Variants in TMEM44 observed in about 807,000 individuals in gnomAD.
TMEM44 encodes the protein transmembrane protein 44.
Under a neutral mutation model 47.8 loss-of-function variants are expected in TMEM44, and 43 were observed. The observed-to-expected ratio is 0.90, with a 90% CI of 0.70 to 1.16. The LOEUF is 1.16. Ranked by LOEUF, TMEM44 falls within the 50% of genes most tolerant of loss-of-function variation. TMEM44 has a pLI of 0.00. For missense variants in TMEM44, 568 were observed against 555.2 expected, an observed-to-expected ratio of 1.02 and a Z score of -0.23; for synonymous variants, 277 against 238.8, an observed-to-expected ratio of 1.16 and a Z score of -1.48.
chr3:194,624,710 C>A (rs1560196687), intron 3 of TMEM44, among the ~76,000 whole-genome samples: 2 of 149,646 alleles, frequency 1.3e-5, no homozygotes, highest in African/African-American at 2.5e-5. Flanking sequence ...TGAGCCACCA[C>A]ACCACTTGGT....
rs1491164248 is a variant in TMEM44, at chr3:194,612,133, TCA to T, written c.913-1115_913-1114del. ...GGTGGAGCCCCCAAATCTGCATTTCTCACAGTTTCCCAGGTAATCCTGGTCTA... is the reference window on the plus strand; with the variant it reads ...GGTGGAGCCCCCAAATCTGCATTTCTCAGTTTCCCAGGTAATCCTGGTCTA... On this transcript the variant is annotated intron_variant, in intron 7 of 9. Coordinates refer to ENST00000347147, the MANE Select transcript of TMEM44 (RefSeq NM_001011655.3). Among the ~76,000 whole-genome samples the T allele has an allele frequency of 3.9e-5, 6 of 152,152 alleles. No homozygotes were observed. The East Asian group carries it at 9.6e-4, about 24-fold the overall frequency.
Position 194,620,158 on chromosome 3 carries a change from G to A in TMEM44, c.613-2889C>T, listed in dbSNP as rs1188218814. Among the ~76,000 whole-genome samples the A allele has an allele frequency of 2.0e-5, 3 of 152,004 alleles. No homozygotes were observed. The East Asian group carries it at 5.8e-4, about 29-fold the overall frequency. On this transcript the variant is annotated intron_variant, in intron 5 of 9. Transcript: ENST00000347147. ...ATACAAAAATTAGCTGGGCGTGGTG[G>A]TGCATGCCTGTAGTCCCAGCTACTC...
At position 194,633,088 on chromosome 3, in the gene TMEM44, G is replaced by A. The variant is rs775764307; in HGVS notation, c.128C>T (p.Ala43Val). 3.9e-6 allele frequency: 6 copies of A among 1,548,402 alleles called. No individual in the cohort carries two copies. The highest frequency in any genetic ancestry group is 1.2e-5 in the South Asian group (1 of 83,994). ...CCCGTGGCCCCATTACAGCGCGTGG[G>A]CGGCGATCCAGCAGGAGGAGGCGCA... Reference protein sequence around the residue: ...WICASSCWIAAHALLLYLRCA... With the variant: ...WICASSCWIAVHALLLYLRCA... Residue 43 changes from alanine (A) to valine (V), a missense_variant, in exon 1 of 10, where the codon GCC becomes GTC. Transcript: ENST00000347147.
At position 194,626,095 on chromosome 3, in the gene TMEM44, T is replaced by C. The variant is rs574107317; in HGVS notation, c.265-105A>G. The C allele has an allele frequency of 1.9e-3, 1,596 of 824,854 alleles. 29 individuals are homozygous for C. In the South Asian group the frequency reaches 0.022, roughly 11 times the overall value. The allele number at this position is 824,854 out of a possible 1,614,324, so 51.1% of individuals were successfully genotyped here. A position where few individuals can be genotyped will look rare whatever the true frequency, so the allele number is the denominator to read the frequency against. ...TATCACATGGGTTACACTGATGCGG[T>C]GCTTTCTTACGTACTCCTCCAGGGA... is the stretch of plus-strand genomic sequence containing the variant. On this transcript the variant is annotated intron_variant, in intron 2 of 9. Transcript: ENST00000347147.
At chr3:194,624,701 G>A (rs373203223) in intron 3 of TMEM44, among the ~76,000 whole-genome samples, 10 of 151,160 alleles carry the variant, frequency 6.6e-5, no homozygotes, top group South Asian at 2.1e-4. Context: ...TTACAGGCAT[G>A]AGCCACCACA....
chr3:194,618,849 C>T (rs113532908), intron 5 of TMEM44, among the ~76,000 whole-genome samples: 19 of 152,334 alleles, frequency 1.2e-4, no homozygotes, highest in African/African-American at 4.1e-4. Flanking sequence ...CCAGGCCTCC[C>T]TGTGTCTGGC....
chr3:194,619,500 A>G (rs1418222377), intron 5 of TMEM44, among the ~76,000 whole-genome samples: 1 of 152,212 alleles, frequency 6.6e-6, no homozygotes, highest in African/African-American at 2.4e-5. Context: ...TGCAGCTGCC[A>G]GGACTCCTGG....
chr3:194,617,402 CT>C, intron 5 of TMEM44, 133 bp from the exon 6 acceptor site: 1 of 1,081,716 alleles, frequency 9.2e-7, no homozygotes, highest in Non-Finnish European at 1.3e-6. Context: ...TTCTGTTAGA[CT>C]TACAGCTTTT....
At chr3:194,597,238 G>A (rs1713525848) in intron 9 of TMEM44, 1 of 152,156 alleles carries the variant, frequency 6.6e-6, no homozygotes, top group East Asian at 1.9e-4. Flanking sequence ...TTGCAATGCT[G>A]GGAAGCACAG....
intron 9 of TMEM44, among the ~76,000 whole-genome samples, chr3:194,595,931 C>G (rs984742506): frequency 5.9e-5 from 9 of 152,112 alleles, no homozygotes; most frequent in African/African-American, 2.2e-4. Flanking sequence ...GGCTGATGGT[C>G]TGTATTTCTT....
At chr3:194,608,568 G>T (rs1037938987) in intron 8 of TMEM44, among the ~76,000 whole-genome samples, 20 of 152,184 alleles carry the variant, frequency 1.3e-4, no homozygotes, top group African/African-American at 4.8e-4. Flanking sequence ...GTCCTGCTTC[G>T]GACTGGGTGG....
In TMEM44 at chr3:194,588,709, A is replaced by G. The variant is rs891525555; in HGVS notation, c.1177-70T>C. 15 of 1,441,686 alleles carry G rather than the reference A, an allele frequency of 1.0e-5. No individual in the cohort carries two copies. The African/African-American group carries it at 1.8e-4, about 17-fold the overall frequency. The allele number at this position is 1,441,686 out of a possible 1,614,324, so 89.3% of individuals were successfully genotyped here. A position where few individuals can be genotyped will look rare whatever the true frequency, so the allele number is the denominator to read the frequency against. ...TGCTTCTCATCTGTCATAACCCCTG[A>G]CCCAAACAAAAGCTCCAATCTTGGT... On this transcript the variant is annotated intron_variant, in intron 9 of 9. Transcript: ENST00000347147.
rs776223362 is a variant in TMEM44 at position 194,628,382 on chromosome 3, C to A, written c.264+1G>T. The A allele has an allele frequency of 6.2e-7, 1 of 1,610,156 alleles. No homozygotes were observed. Among genetic ancestry groups the A allele is most frequent in the East Asian group, 2.2e-5 (1 of 44,784 alleles). ...CACTGTCAGCTGGAGGCCCAACATA[C>A]CTGGATTGTGAGCTGTCTGGCCAGA... On this transcript the variant is annotated splice_donor_variant, in intron 2 of 9. Transcript: ENST00000347147. LOFTEE classifies it high-confidence loss of function.
chr3:194,627,930 G>A (rs1185585669), intron 2 of TMEM44, among the ~76,000 whole-genome samples: 1 of 152,116 alleles, frequency 6.6e-6, no homozygotes, highest in Admixed American at 6.5e-5. Context: ...AGTGAGCCAA[G>A]ACCAAGTCAT....
At chr3:194,601,030 G>A (rs1015308707) in intron 9 of TMEM44, among the ~76,000 whole-genome samples, 8 of 152,302 alleles carry the variant, frequency 5.3e-5, no homozygotes, top group African/African-American at 1.7e-4. Flanking sequence ...AGGGTTATGC[G>A]GAGGGAGGCT....
intron 5 of TMEM44, chr3:194,617,743 G>A: frequency 1.4e-6 from 1 of 704,018 alleles, no homozygotes; most frequent in Non-Finnish European, 2.6e-6. Flanking sequence ...CAGATCTCAT[G>A]TTGAGTCGTA....
intron 5 of TMEM44, 144 bp downstream of exon 5, chr3:194,623,080 A>G: frequency 1.3e-6 from 1 of 769,478 alleles, no homozygotes; most frequent in South Asian, 2.0e-5. Flanking sequence ...TGTCATACAC[A>G]CTAACGCTCT....
chr3:194,624,904 C>G (rs951962622), intron 3 of TMEM44, among the ~76,000 whole-genome samples: 12 of 151,800 alleles, frequency 7.9e-5, no homozygotes, highest in Admixed American at 7.2e-4. Flanking sequence ...TTAGTAGAGA[C>G]AGGGTTTCAC....
intron 8 of TMEM44, among the ~76,000 whole-genome samples, chr3:194,605,313 C>T (rs756616107): frequency 3.9e-5 from 6 of 152,332 alleles, no homozygotes; most frequent in Non-Finnish European, 8.8e-5. Flanking sequence ...TCCACTGACA[C>T]GTGACAGAGC....
Sources: allele counts gnomAD v4.1 joint callset (sites outside exome capture counted in the v4.1 genomes callset), GRCh38; gene constraint gnomAD v4.1.1; transcripts MANE v1.5; gene names NCBI Gene and HGNC (gene_info 2026-07-23, HGNC 2026-07-21).